Variants in MRPL1 observed in about 807,000 individuals in gnomAD.
MRPL1 encodes the protein mitochondrial ribosomal protein L1.
In MRPL1, 28 loss-of-function variants were observed where a neutral mutation model predicts 38.0. The observed-to-expected ratio is 0.74, with a 90% CI of 0.55 to 1.01. The LOEUF is 1.01. Ranked by LOEUF, MRPL1 falls within the 50% of genes least tolerant of loss-of-function variation. MRPL1 has a pLI of 0.00. For missense variants in MRPL1, 358 were observed against 389.8 expected, an observed-to-expected ratio of 0.92 and a Z score of 0.69; for synonymous variants, 123 against 126.7, an observed-to-expected ratio of 0.97 and a Z score of 0.20.
At chr4:77,876,231 C>T (rs149412118) in intron 2 of MRPL1, among the ~76,000 whole-genome samples, 2,140 of 152,292 alleles carry the variant, frequency 0.014, 24 homozygotes, top group Non-Finnish European at 0.022. Context: ...CCTCAGCCTC[C>T]CAGAGTGCTG....
At chr4:77,867,536 TTTTTCTTTTTCTTTTTC>T (rs1183384451) in intron 1 of MRPL1, among the ~76,000 whole-genome samples, 9 of 140,720 alleles carry the variant, frequency 6.4e-5, no homozygotes, top group African/African-American at 1.8e-4. Context: ...AATTCTTTTC[TTTTTCTTTTTCTTTTTC>T]TTTTCTTTTC....
At chr4:77,874,523 A>T (rs1177450738) in intron 2 of MRPL1, among the ~76,000 whole-genome samples, 2 of 152,140 alleles carry the variant, frequency 1.3e-5, no homozygotes, top group Non-Finnish European at 2.9e-5. Context: ...AACTCTGAGA[A>T]ATAGAATTGT....
chr4:77,915,697 A>C (rs1224166193), intron 7 of MRPL1, among the ~76,000 whole-genome samples: 3 of 152,236 alleles, frequency 2.0e-5, no homozygotes, highest in African/African-American at 7.2e-5. Flanking sequence ...TACAGGCACA[A>C]GCCACTGCCC....
chr4:77,885,424 T>C, intron 4 of MRPL1, 85 bp downstream of exon 4: 1 of 1,011,868 alleles, frequency 9.9e-7, no homozygotes. Context: ...TGGAGTGCAG[T>C]GGGGCAACCT....
intron 7 of MRPL1, among the ~76,000 whole-genome samples, chr4:77,947,026 A>G (rs12506904): frequency 0.78 from 117,026 of 149,314 alleles, 46,605 homozygotes; most frequent in Non-Finnish European, 0.85. Context: ...AAAAAAAAAA[A>G]GTTAAGAACC....
intron 7 of MRPL1, among the ~76,000 whole-genome samples, chr4:77,912,978 A>C (rs1736323442): frequency 1.3e-5 from 2 of 152,184 alleles, no homozygotes; most frequent in African/African-American, 4.8e-5. Context: ...GTACTGGAAC[A>C]GTTGGATGTC....
chr4:77,922,290 A>G (rs994607481), intron 7 of MRPL1, among the ~76,000 whole-genome samples: 2 of 152,240 alleles, frequency 1.3e-5, no homozygotes, highest in African/African-American at 4.8e-5. Flanking sequence ...CGTTACATGC[A>G]GAAGAAACAG....
At chr4:77,926,146 G>A (rs767508172) in intron 7 of MRPL1, among the ~76,000 whole-genome samples, 3 of 152,260 alleles carry the variant, frequency 2.0e-5, no homozygotes, top group Non-Finnish European at 4.4e-5. Context: ...TGGGACAGGA[G>A]GAATCTGAAA....
intron 8 of MRPL1, among the ~76,000 whole-genome samples, chr4:77,950,276 C>T (rs1053547986): frequency 6.6e-6 from 1 of 152,142 alleles, no homozygotes; most frequent in Non-Finnish European, 1.5e-5. Context: ...TTTTCTTAAT[C>T]TTATTTATTT....
intron 7 of MRPL1, among the ~76,000 whole-genome samples, chr4:77,917,280 G>A (rs1388174927): frequency 6.6e-6 from 1 of 151,988 alleles, no homozygotes; most frequent in African/African-American, 2.4e-5. Flanking sequence ...CACCTGCTCT[G>A]TTTACAAGTG....
At chr4:77,941,504 T>A (rs1229296635) in intron 7 of MRPL1, among the ~76,000 whole-genome samples, 2 of 152,144 alleles carry the variant, frequency 1.3e-5, no homozygotes, top group African/African-American at 4.8e-5. Context: ...GTCCTGGAAT[T>A]TTTTGTTGGC....
chr4:77,894,005 C>A (rs1735861324), intron 5 of MRPL1, 134 bp from the exon 6 acceptor site: 1 of 607,964 alleles, frequency 1.6e-6, no homozygotes, highest in Non-Finnish European at 2.9e-6. Flanking sequence ...TTTGTATGAT[C>A]TTTGTGTTTG....
At chr4:77,939,920 G>A (rs1389423504) in intron 7 of MRPL1, among the ~76,000 whole-genome samples, 1 of 152,144 alleles carries the variant, frequency 6.6e-6, no homozygotes, top group Non-Finnish European at 1.5e-5. Flanking sequence ...TTTTATACCA[G>A]TACCATGCTG....
At chr4:77,926,763 C>A (rs142727621) in intron 7 of MRPL1, among the ~76,000 whole-genome samples, 1 of 152,028 alleles carries the variant, frequency 6.6e-6, no homozygotes, top group East Asian at 1.9e-4. Flanking sequence ...CGCATGCCAC[C>A]GTGCCCAGCT....
At chr4:77,929,563 A>G (rs568441246) in intron 7 of MRPL1, among the ~76,000 whole-genome samples, 1 of 152,312 alleles carries the variant, frequency 6.6e-6, no homozygotes, top group African/African-American at 2.4e-5. Context: ...TTTGCCTCAG[A>G]GCACCCTTCT....
chr4:77,950,664 T>A (rs1737387979), intron 8 of MRPL1, among the ~76,000 whole-genome samples: 1 of 152,212 alleles, frequency 6.6e-6, no homozygotes, highest in African/African-American at 2.4e-5. Context: ...GTTAATTTTC[T>A]TGCCCTAAAT....
chr4:77,949,483 G>T (rs1032210027), intron 7 of MRPL1, among the ~76,000 whole-genome samples: 1 of 151,996 alleles, frequency 6.6e-6, no homozygotes, highest in Non-Finnish European at 1.5e-5. Context: ...GTTTTCTTGG[G>T]GGGTGCGTGT....
intron 2 of MRPL1, among the ~76,000 whole-genome samples, chr4:77,877,170 G>T (rs1255095416): frequency 6.6e-6 from 1 of 152,198 alleles, no homozygotes; most frequent in African/African-American, 2.4e-5. Flanking sequence ...AAAGTGCTGG[G>T]ATTACAGGCG....
intron 4 of MRPL1, among the ~76,000 whole-genome samples, chr4:77,886,789 CTTTTTTT>C (rs71214375): frequency 3.3e-5 from 3 of 90,516 alleles, no homozygotes; most frequent in African/African-American, 9.3e-5. Context: ...TTTGCATTTT[CTTTTTTT>C]TTTTTTTTTT....
Sources: gnomAD v4.1 joint callset for allele counts (sites outside exome capture counted in the v4.1 genomes callset) on GRCh38, gnomAD v4.1.1 for gene constraint, MANE v1.5 for transcripts, NCBI Gene and HGNC (gene_info 2026-07-23, HGNC 2026-07-21) for gene names.